The following WNT3A variants were observed in gnomAD, a reference collection of about 807,000 sequenced individuals.
WNT3A encodes Wnt family member 3A.
WNT3A carries 17 observed loss-of-function variants against 37.0 expected under a neutral mutation model. The observed-to-expected ratio is 0.46, with a 90% CI of 0.31 to 0.69. The LOEUF (loss-of-function observed/expected upper bound fraction) is 0.69, where lower values mean the gene tolerates loss of function less well. WNT3A is among the 30% of genes least tolerant of loss of function. The pLI, the probability that WNT3A is intolerant of heterozygous loss-of-function variation, is 0.05. For synonymous variants in WNT3A, 187 were observed against 211.0 expected, an observed-to-expected ratio of 0.89 and a Z score of 0.99; for missense variants, 411 against 510.2, an observed-to-expected ratio of 0.81 and a Z score of 1.87.
At chr1:228,047,489 G>A (rs1320107553) in intron 2 of WNT3A, among the ~76,000 whole-genome samples, 5 of 152,106 alleles carry the variant, frequency 3.3e-5, no homozygotes, top group Non-Finnish European at 7.4e-5. Context: ...ACACTCACTC[G>A]TGCCTTTCTG....
Position 228,050,260 on chromosome 1 carries a change from C to G in WNT3A, c.314-396C>G, listed in dbSNP as rs1035595225. On this transcript the variant is annotated intron_variant, in intron 2 of 3. Transcript: ENST00000284523. The surrounding 1 kb of genome is among the most constrained non-coding windows in gnomAD (Gnocchi z 5.0). ...TATGTTGAAAAGGCTGTCCTGGTCT[C>G]AAGCAGTCCTCCTACTGTGCCTCTC... Among the ~76,000 whole-genome samples the G allele has an allele frequency of 2.0e-5, 3 of 152,210 alleles. No homozygotes were observed. The highest frequency in any genetic ancestry group is 2.0e-4 in the Admixed American group (3 of 15,280).
At chr1:228,044,031 G>A (rs2031346435) in intron 2 of WNT3A, among the ~76,000 whole-genome samples, 1 of 151,952 alleles carries the variant, frequency 6.6e-6, no homozygotes, top group Non-Finnish European at 1.5e-5. Flanking sequence ...TCCCAGGCTG[G>A]AGTACAATGG....
chr1:228,055,185 T>TAG (rs2031658235), intron 3 of WNT3A, among the ~76,000 whole-genome samples: 1 of 32,730 alleles, frequency 3.1e-5, no homozygotes, highest in East Asian at 1.4e-3. Context: ...AAAAAATATA[T>TAG]ATATATATAT....
Position 228,007,329 on chromosome 1 carries a change from G to A in WNT3A, c.71+130G>A. The A allele has an allele frequency of 1.1e-6, 1 of 917,174 alleles. No homozygotes were observed. Among genetic ancestry groups the A allele is most frequent in the Non-Finnish European group, 1.5e-6 (1 of 655,408 alleles). 56.8% of individuals were successfully genotyped at this position (917,174 alleles called of 1,614,324 possible). ...GCTCCAGCCCCGCGTGCGGGCCGCGGGCGGTTGGTTTTCCTTGACGGCCAC... is the reference window on the plus strand; with the variant it reads ...GCTCCAGCCCCGCGTGCGGGCCGCGAGCGGTTGGTTTTCCTTGACGGCCAC... On this transcript the variant is annotated intron_variant, in intron 1 of 3. Coordinates refer to ENST00000284523, the MANE Select transcript of WNT3A (RefSeq NM_033131.4). This position sits in a 1 kb window ranked among gnomAD's most constrained non-coding sequence, Gnocchi z 6.0.
chr1:228,050,951 G>A lies in WNT3A; in HGVS notation c.579+30G>A. On this transcript the variant is annotated intron_variant, in intron 3 of 3. Transcript: ENST00000284523. This position sits in a 1 kb window ranked among gnomAD's most constrained non-coding sequence, Gnocchi z 5.0. ...GTTCGCCGCCCGCAAGGGTGCTTGG[G>A]AAAAAGGAGCCTCCTCAGCAGGGTG... 6.6e-7 allele frequency: 1 copy of A among 1,506,754 alleles called. No individual in the cohort carries two copies. The highest frequency in any genetic ancestry group is 8.8e-7 in the Non-Finnish European group (1 of 1,130,254). The allele number at this position is 1,506,754 out of a possible 1,614,324, so 93.3% of individuals were successfully genotyped here.
At chr1:228,017,535 A>G (rs2030569481) in intron 1 of WNT3A, among the ~76,000 whole-genome samples, 1 of 152,152 alleles carries the variant, frequency 6.6e-6, no homozygotes, top group African/African-American at 2.4e-5. Flanking sequence ...CAACATAGAC[A>G]GACACCATCT....
intron 1 of WNT3A, among the ~76,000 whole-genome samples, chr1:228,017,761 G>A (rs2030575242): frequency 6.6e-6 from 1 of 152,166 alleles, no homozygotes; most frequent in Non-Finnish European, 1.5e-5. Context: ...GGCTGGCGGA[G>A]ACAGCGGTGG....
Position 228,007,286 on chromosome 1 carries a change from C to A in WNT3A, c.71+87C>A. 4 of 1,390,772 alleles carry A rather than the reference C, an allele frequency of 2.9e-6. No individual in the cohort carries two copies. The highest frequency in any genetic ancestry group is 3.9e-6 in the Non-Finnish European group (4 of 1,019,742). 86.2% of individuals were successfully genotyped at this position (1,390,772 alleles called of 1,614,324 possible). A position where few individuals can be genotyped will look rare whatever the true frequency, so the allele number is the denominator to read the frequency against. ...CCTCGGGCAGGGACCCCGCGGTGGC[C>A]CGAGCCCGCGCCCTTCTGCTCCAGC... On this transcript the variant is annotated intron_variant, in intron 1 of 3. Coordinates refer to ENST00000284523, the MANE Select transcript of WNT3A (RefSeq NM_033131.4). The surrounding 1 kb of genome is among the most constrained non-coding windows in gnomAD (Gnocchi z 6.0).
Position 228,031,112 on chromosome 1 carries a change from T to C in WNT3A, c.313+8204T>C, listed in dbSNP as rs2030991418. On this transcript the variant is annotated intron_variant, in intron 2 of 3. Coordinates refer to ENST00000284523, the MANE Select transcript of WNT3A (RefSeq NM_033131.4). This position sits in a 1 kb window ranked among gnomAD's most constrained non-coding sequence, Gnocchi z 4.8. The stretch of plus-strand genomic sequence containing the variant: ...CGCCCCAGCCCTCATCACGGGCCTG[T>C]GTTCTTCAGGCGTGGGGAAGGCACC... 6.6e-6 allele frequency among the ~76,000 whole-genome samples: 1 copy of C among 152,152 alleles called. No individual in the cohort carries two copies. Among genetic ancestry groups the C allele is most frequent in the African/African-American group, 2.4e-5 (1 of 41,448 alleles).
At position 228,050,018 on chromosome 1, in the gene WNT3A, A is replaced by G. The variant is rs975471080; in HGVS notation, c.314-638A>G. ...GGTCTCAAACTCCTGGGCTCAAGCAATCCTCCCACCTCTGCCTCCCAAAGG... is the reference window on the plus strand; with the variant it reads ...GGTCTCAAACTCCTGGGCTCAAGCAGTCCTCCCACCTCTGCCTCCCAAAGG... On this transcript the variant is annotated intron_variant, in intron 2 of 3. Coordinates refer to ENST00000284523, the MANE Select transcript of WNT3A (RefSeq NM_033131.4). The surrounding 1 kb of genome is among the most constrained non-coding windows in gnomAD (Gnocchi z 5.0). Among the ~76,000 whole-genome samples the G allele has an allele frequency of 6.6e-6, 1 of 151,090 alleles. No homozygotes were observed. The highest frequency in any genetic ancestry group is 1.5e-5 in the Non-Finnish European group (1 of 67,842).
At chr1:228,022,956 AG>A in intron 2 of WNT3A, 48 bp downstream of exon 2, 1 of 1,561,436 alleles carries the variant, frequency 6.4e-7, no homozygotes, top group South Asian at 1.2e-5. Context: ...AGTGGGACAG[AG>A]TCTCCCGCCT....
chr1:228,013,289 C>T (rs1455379374), intron 1 of WNT3A, among the ~76,000 whole-genome samples: 1 of 152,172 alleles, frequency 6.6e-6, no homozygotes, highest in African/African-American at 2.4e-5. Flanking sequence ...GACAATCCCC[C>T]ACCCCACCCC....
At position 228,059,476 on chromosome 1, in the gene WNT3A, CGGCTCCCCCT is replaced by C; in HGVS notation, c.*14_*23del. 1 of 1,493,236 alleles carries C rather than the reference CGGCTCCCCCT, an allele frequency of 6.7e-7. No homozygotes were observed. Among genetic ancestry groups the C allele is most frequent in the Non-Finnish European group, 8.9e-7 (1 of 1,128,086 alleles). 92.5% of individuals were successfully genotyped at this position (1,493,236 alleles called of 1,614,324 possible). A position where few individuals can be genotyped will look rare whatever the true frequency, so the allele number is the denominator to read the frequency against. ...CACACCTGCAAGTAGGCACCGGCCG[CGGCTCCCCCT>C]GGACGGGGCGGGCCCTGCCTGAGGG... On this transcript the variant is annotated 3_prime_UTR_variant, in exon 4 of 4. Transcript: ENST00000284523.
chr1:228,044,938 C>T (rs552688739), intron 2 of WNT3A, among the ~76,000 whole-genome samples: 6 of 152,296 alleles, frequency 3.9e-5, no homozygotes, highest in African/African-American at 7.2e-5. Context: ...TCAGTCTTCA[C>T]GAGTGAATTG....
chr1:228,030,946 G>A (rs1262932522), intron 2 of WNT3A, among the ~76,000 whole-genome samples: 1 of 152,248 alleles, frequency 6.6e-6, no homozygotes, highest in Non-Finnish European at 1.5e-5. Context: ...TGGAGGGGAG[G>A]TGCCTGGCCC....
intron 1 of WNT3A, among the ~76,000 whole-genome samples, chr1:228,017,928 G>T (rs1362559323): frequency 6.6e-6 from 1 of 152,170 alleles, no homozygotes; most frequent in Non-Finnish European, 1.5e-5. Flanking sequence ...GTATCTGCTG[G>T]CTCCCAGTGC....
intron 2 of WNT3A, 117 bp downstream of exon 2, chr1:228,023,025 C>A: frequency 2.1e-6 from 3 of 1,457,476 alleles, no homozygotes. Flanking sequence ...CACGCGGACG[C>A]TGGGGTCCTT....
intron 2 of WNT3A, among the ~76,000 whole-genome samples, chr1:228,029,747 C>G (rs192214249): frequency 5.9e-5 from 9 of 151,524 alleles, no homozygotes; most frequent in Non-Finnish European, 1.2e-4. Context: ...CCCACCCCCC[C>G]CCCAATTCCT....
At chr1:228,049,363 A>G (rs1490946838) in intron 2 of WNT3A, among the ~76,000 whole-genome samples, 2 of 152,000 alleles carry the variant, frequency 1.3e-5, no homozygotes, top group African/African-American at 2.4e-5. Flanking sequence ...TTATTTTGAG[A>G]TCCTTTGTGC....
Sources: gnomAD v4.1 joint callset for allele counts (sites outside exome capture counted in the v4.1 genomes callset) on GRCh38, gnomAD v4.1.1 for gene constraint, Gnocchi (gnomAD v3.1) non-coding constraint, MANE v1.5 for transcripts, NCBI Gene and HGNC (gene_info 2026-07-23, HGNC 2026-07-21) for gene names.